Variants in XKR6 observed in about 807,000 individuals in gnomAD.
The protein encoded by XKR6 is XK-related protein 6.
In XKR6, 22 loss-of-function variants were observed where a neutral mutation model predicts 56.7. The observed-to-expected ratio is 0.39, with a 90% confidence interval of 0.28 to 0.55. The LOEUF (loss-of-function observed/expected upper bound fraction) is 0.55. XKR6 is among the 20% of genes least tolerant of loss of function. The pLI, the probability that XKR6 is intolerant of heterozygous loss-of-function variation, is 0.66. For synonymous variants in XKR6, 524 were observed against 387.8 expected, an observed-to-expected ratio of 1.35 and a Z score of -4.13; for missense variants, 852 against 889.0, an observed-to-expected ratio of 0.96 and a Z score of 0.53.
At chr8:11,061,282 T>C (rs1231111530) in intron 1 of XKR6, among the ~76,000 whole-genome samples, 3 of 152,078 alleles carry the variant, frequency 2.0e-5, no homozygotes, top group Admixed American at 6.5e-5. Context: ...CTGGGCAACA[T>C]GGCAAAACCC....
chr8:11,059,916 T>C (rs1410772367), intron 1 of XKR6, among the ~76,000 whole-genome samples: 1 of 152,152 alleles, frequency 6.6e-6, no homozygotes, highest in Non-Finnish European at 1.5e-5. Flanking sequence ...GGTGACAGGA[T>C]GGGTGTTAGG....
intron 2 of XKR6, among the ~76,000 whole-genome samples, chr8:10,911,388 A>G (rs927969655): frequency 6.8e-6 from 1 of 147,088 alleles, no homozygotes; most frequent in African/African-American, 2.5e-5. Flanking sequence ...GAGGGAGAAT[A>G]TGTATATAAA....
chr8:11,048,753 C>T (rs1301273511), intron 1 of XKR6, among the ~76,000 whole-genome samples: 2 of 152,262 alleles, frequency 1.3e-5, no homozygotes, highest in African/African-American at 4.8e-5. Flanking sequence ...CCTGTGAAGC[C>T]CCAGACCTCC....
intron 1 of XKR6, among the ~76,000 whole-genome samples, chr8:11,151,084 T>C (rs1432339554): frequency 3.3e-5 from 5 of 152,150 alleles, no homozygotes; most frequent in Non-Finnish European, 5.9e-5. Flanking sequence ...GAGTAGCCCT[T>C]AAAATGTGCC....
At chr8:11,006,467 C>G (rs536619582) in intron 1 of XKR6, among the ~76,000 whole-genome samples, 1 of 152,252 alleles carries the variant, frequency 6.6e-6, no homozygotes, top group South Asian at 2.1e-4. Flanking sequence ...GACCAACATA[C>G]TTTTTCTGTC....
intron 1 of XKR6, among the ~76,000 whole-genome samples, chr8:10,926,319 G>A (rs761499049): frequency 1.3e-5 from 2 of 152,118 alleles, no homozygotes; most frequent in African/African-American, 4.8e-5. Flanking sequence ...CATTCTTCAC[G>A]CCGCTACTAA....
intron 1 of XKR6, among the ~76,000 whole-genome samples, chr8:11,057,232 C>T (rs1013255583): frequency 7.2e-5 from 11 of 152,200 alleles, no homozygotes; most frequent in African/African-American, 2.7e-4. Flanking sequence ...CTCCACACTG[C>T]CTGCTTTATG....
chr8:10,972,818 T>A (rs1802446672), intron 1 of XKR6, among the ~76,000 whole-genome samples: 1 of 151,938 alleles, frequency 6.6e-6, no homozygotes, highest in African/African-American at 2.4e-5. Context: ...GTAGATGTAC[T>A]TAATGCCACA....
intron 1 of XKR6, among the ~76,000 whole-genome samples, chr8:11,010,673 T>C (rs375629399): frequency 2.0e-5 from 3 of 152,386 alleles, no homozygotes; most frequent in African/African-American, 7.2e-5. Context: ...ATGATTTTTA[T>C]AGCTTTAAAA....
intron 1 of XKR6, among the ~76,000 whole-genome samples, chr8:11,153,286 C>G (rs1264041105): frequency 6.6e-6 from 1 of 152,150 alleles, no homozygotes; most frequent in African/African-American, 2.4e-5. Context: ...CATGAAGGAA[C>G]TAAGGACTCT....
intron 1 of XKR6, chr8:11,104,600 A>G (rs1798606490): frequency 1.3e-5 from 2 of 152,214 alleles, no homozygotes. Context: ...AAAGTAGTTA[A>G]TCACACAAAA....
Position 10,959,108 on chromosome 8 carries a change from G to A in XKR6, c.765-34278C>T, listed in dbSNP as rs79053338. On this transcript the variant is annotated intron_variant, in intron 1 of 2. Transcript: ENST00000416569. ...GTCACTTTGGGTGTTGGCTCGCTTT[G>A]GGGGTCCCTGGACTGAGCTCATGCA... 3.2e-3 allele frequency among the ~76,000 whole-genome samples: 484 copies of A among 152,304 alleles called. 2 individuals carry two copies. Among genetic ancestry groups the A allele is most frequent in the African/African-American group, 0.011 (455 of 41,578 alleles).
At chr8:11,004,186 CT>C (rs1798312006) in intron 1 of XKR6, among the ~76,000 whole-genome samples, 1 of 151,832 alleles carries the variant, frequency 6.6e-6, no homozygotes, top group Admixed American at 6.6e-5. Context: ...TAAAAAGCTC[CT>C]GTGGGGCCGG....
At position 10,927,324 on chromosome 8, in the gene XKR6, C is replaced by A. The variant is rs144170595; in HGVS notation, c.765-2494G>T. 2.3e-3 allele frequency among the ~76,000 whole-genome samples: 353 copies of A among 152,192 alleles called. 1 individual carries two copies. Among genetic ancestry groups the A allele is most frequent in the African/African-American group, 7.7e-3 (318 of 41,494 alleles). ...TGTGTGCTGAGTGGAGCCTCAGTGC[C>A]GTGTGTCTCCCAGATCAGAGCTGCC... is the stretch of plus-strand genomic sequence containing the variant. On this transcript the variant is annotated intron_variant, in intron 1 of 2. Transcript: ENST00000416569.
At chr8:11,196,106 C>T (rs770925875) in intron 1 of XKR6, among the ~76,000 whole-genome samples, 1 of 152,240 alleles carries the variant, frequency 6.6e-6, no homozygotes, top group South Asian at 2.1e-4. Flanking sequence ...CCTGGCCCCA[C>T]ACAAACGAAT....
chr8:11,043,056 A>C (rs1799324523), intron 1 of XKR6, among the ~76,000 whole-genome samples: 1 of 152,286 alleles, frequency 6.6e-6, no homozygotes. Flanking sequence ...GCCCACCCAG[A>C]GGGGTCCTGG....
At chr8:11,170,420 A>G (rs1802309195) in intron 1 of XKR6, among the ~76,000 whole-genome samples, 1 of 152,212 alleles carries the variant, frequency 6.6e-6, no homozygotes, top group African/African-American at 2.4e-5. Flanking sequence ...GAACCTTGTA[A>G]CATTATGTGA....
chr8:11,034,333 C>G (rs1390054467), intron 1 of XKR6, among the ~76,000 whole-genome samples: 1 of 152,028 alleles, frequency 6.6e-6, no homozygotes, highest in Non-Finnish European at 1.5e-5. Context: ...TTTAGCCAAA[C>G]AAAATAACAA....
chr8:11,188,070 C>A (rs1371985036), intron 1 of XKR6, among the ~76,000 whole-genome samples: 3 of 151,802 alleles, frequency 2.0e-5, no homozygotes, highest in Non-Finnish European at 4.4e-5. Context: ...TATGATTTTG[C>A]AGAATGAGAG....
Sources: gnomAD v4.1 joint callset for allele counts (sites outside exome capture counted in the v4.1 genomes callset) on GRCh38, gnomAD v4.1.1 for gene constraint, MANE v1.5 for transcripts, NCBI Gene and HGNC (gene_info 2026-07-23, HGNC 2026-07-21) for gene names.